Variants in BBS9 observed in about 807,000 individuals in gnomAD.
The protein encoded by BBS9 is protein PTHB1.
In BBS9, 89 loss-of-function variants were observed where a neutral mutation model predicts 117.7. That is an observed-to-expected ratio of 0.76 (90% CI 0.64 to 0.90). The LOEUF (loss-of-function observed/expected upper bound fraction) is 0.90. Among genes scored for constraint, BBS9 ranks in the 40% least tolerant of loss-of-function variants. BBS9 has a pLI of 0.00. For missense variants in BBS9, 982 were observed against 1,042.2 expected (o/e 0.94, Z 0.80); for synonymous variants, 379 against 370.9 (o/e 1.02, Z -0.25).
At chr7:33,346,133 C>G (rs1817541951) in intron 12 of BBS9, 2 of 348,388 alleles carry the variant, frequency 5.7e-6, no homozygotes, top group East Asian at 8.3e-5. Context: ...TGGTGGGACT[C>G]ACACAGCAGA....
intron 1 of BBS9, among the ~76,000 whole-genome samples, chr7:33,135,876 A>G (rs940830620): frequency 2.0e-5 from 3 of 152,032 alleles, no homozygotes; most frequent in Non-Finnish European, 2.9e-5. Flanking sequence ...CATAGTTTTC[A>G]GAGTATAAGT....
intron 20 of BBS9, 66 bp downstream of exon 20, chr7:33,505,711 T>C: frequency 1.3e-6 from 2 of 1,524,792 alleles, no homozygotes; most frequent in Non-Finnish European, 1.8e-6. Context: ...TAGGAAGATA[T>C]CACATGGCTA....
chr7:33,466,428 T>C (rs1185365685), intron 19 of BBS9, among the ~76,000 whole-genome samples: 1 of 152,076 alleles, frequency 6.6e-6, no homozygotes, highest in Non-Finnish European at 1.5e-5. Context: ...TTTATTTCAC[T>C]TAACATAAGA....
At chr7:33,343,609 C>G (rs913044253) in intron 11 of BBS9, among the ~76,000 whole-genome samples, 1 of 152,136 alleles carries the variant, frequency 6.6e-6, no homozygotes, top group African/African-American at 2.4e-5. Context: ...AGCAATTCTC[C>G]TGTCTCAGCC....
intron 21 of BBS9, among the ~76,000 whole-genome samples, chr7:33,555,274 G>C (rs888364367): frequency 6.6e-6 from 1 of 152,138 alleles, no homozygotes; most frequent in African/African-American, 2.4e-5. Flanking sequence ...TGGCTTAATT[G>C]TGTTGTCTTC....
At chr7:33,568,253 C>T (rs1432624143) in intron 21 of BBS9, among the ~76,000 whole-genome samples, 1 of 152,086 alleles carries the variant, frequency 6.6e-6, no homozygotes, top group African/African-American at 2.4e-5. Flanking sequence ...CTCTCTGGAG[C>T]TCCTGCCTCT....
intron 5 of BBS9, among the ~76,000 whole-genome samples, chr7:33,215,297 A>C (rs966739183): frequency 6.6e-6 from 1 of 152,224 alleles, no homozygotes; most frequent in Non-Finnish European, 1.5e-5. Flanking sequence ...AAAAACAGAC[A>C]CATAGACCAG....
chr7:33,539,530 A>G (rs2129068242), intron 21 of BBS9, among the ~76,000 whole-genome samples: 1 of 152,340 alleles, frequency 6.6e-6, no homozygotes. Context: ...ATTATTCATT[A>G]TTAAGCAAAA....
rs1258166844 is a variant in BBS9 at position 33,352,847 on chromosome 7, T to A, written c.1538-12T>A. 1 of 1,612,644 alleles carries A rather than the reference T, an allele frequency of 6.2e-7. No individual in the cohort carries two copies. The highest frequency in any genetic ancestry group is 8.5e-7 in the Non-Finnish European group (1 of 1,178,790). ...TCCCCCTACCCATTTTTGCATTGCC[T>A]GTGATGGACAGATCGAAATCCTGAT... is the stretch of plus-strand genomic sequence containing the variant. On this transcript the variant is annotated splice_polypyrimidine_tract_variant and intron_variant, in intron 14 of 22. Coordinates refer to ENST00000242067, the MANE Select transcript of BBS9 (RefSeq NM_198428.3).
intron 19 of BBS9, among the ~76,000 whole-genome samples, chr7:33,491,376 G>A (rs2128994417): frequency 6.6e-6 from 1 of 152,240 alleles, no homozygotes; most frequent in South Asian, 2.1e-4. Flanking sequence ...GGGTGGGAGA[G>A]GTGCCTAACA....
chr7:33,450,235 T>A (rs943793993), intron 19 of BBS9, among the ~76,000 whole-genome samples: 1 of 152,236 alleles, frequency 6.6e-6, no homozygotes, highest in Non-Finnish European at 1.5e-5. Flanking sequence ...CTGAATGATA[T>A]TCATATATAT....
exon 22 of BBS9, among the ~76,000 whole-genome samples, chr7:33,635,258 G>A (rs1460035758): frequency 6.6e-6 from 1 of 152,302 alleles, no homozygotes; most frequent in African/African-American, 2.4e-5. Context: ...CTGATGGAGG[G>A]ACCCAAAAGC....
chr7:33,601,825 T>A (rs1037254168), intron 21 of BBS9, among the ~76,000 whole-genome samples: 1 of 152,184 alleles, frequency 6.6e-6, no homozygotes, highest in African/African-American at 2.4e-5. Context: ...CCCAGTGTCT[T>A]GACTTCTGCC....
chr7:33,540,729 T>C (rs902219659), intron 21 of BBS9, among the ~76,000 whole-genome samples: 3 of 152,168 alleles, frequency 2.0e-5, no homozygotes, highest in Non-Finnish European at 4.4e-5. Context: ...GCAATGACCA[T>C]GTGTTTATGG....
intron 5 of BBS9, among the ~76,000 whole-genome samples, chr7:33,226,855 C>T (rs929649865): frequency 1.3e-5 from 2 of 151,964 alleles, no homozygotes; most frequent in Admixed American, 6.6e-5. Context: ...GATTTGTAGA[C>T]CCAAAATTGA....
Position 33,230,815 on chromosome 7 carries a change from A to T in BBS9, c.443-26421A>T, listed in dbSNP as rs1426863316. Among the ~76,000 whole-genome samples, 3 of 152,204 alleles carry T rather than the reference A, an allele frequency of 2.0e-5. No individual in the cohort carries two copies. The East Asian group carries it at 5.8e-4, about 29-fold the overall frequency. ...TATAGCACATTTTCTTTATCCACTC[A>T]TTAATTGATAGGGACTTAGGTTGAT... is the stretch of plus-strand genomic sequence containing the variant. On this transcript the variant is annotated intron_variant, in intron 5 of 22. Coordinates refer to ENST00000242067, the MANE Select transcript of BBS9 (RefSeq NM_198428.3).
chr7:33,135,276 T>TA (rs1474256320), intron 1 of BBS9, among the ~76,000 whole-genome samples: 16 of 152,252 alleles, frequency 1.1e-4, no homozygotes, highest in African/African-American at 3.9e-4. Flanking sequence ...TTTATTTATA[T>TA]AGTCTTCTAA....
intron 19 of BBS9, among the ~76,000 whole-genome samples, chr7:33,404,150 T>C (rs545005455): frequency 2.0e-5 from 3 of 152,294 alleles, no homozygotes; most frequent in East Asian, 1.9e-4. Context: ...GATCAGATGG[T>C]TGTAGATATG....
rs148920081 is a variant in BBS9 at position 33,293,364 on chromosome 7, A to G, written c.1016+19408A>G. ...AGAACTTCAGAATTTTAATGATGAT[A>G]TAGACAAGCAGATGACTCACAGACA... On this transcript the variant is annotated intron_variant, in intron 9 of 22. Coordinates refer to ENST00000242067, the MANE Select transcript of BBS9 (RefSeq NM_198428.3). Among the ~76,000 whole-genome samples, 27 of 152,086 alleles carry G rather than the reference A, an allele frequency of 1.8e-4. 1 individual carries two copies. Among genetic ancestry groups the G allele is most frequent in the African/African-American group, 6.3e-4 (26 of 41,526 alleles).
Sources: gnomAD v4.1 joint callset for allele counts (sites outside exome capture counted in the v4.1 genomes callset) on GRCh38, gnomAD v4.1.1 for gene constraint, MANE v1.5 for transcripts, NCBI Gene and HGNC (gene_info 2026-07-23, HGNC 2026-07-21) for gene names.